The following LYRM9 variants were observed in gnomAD, a reference collection of about 807,000 sequenced individuals.
LYRM9 encodes LYR motif-containing protein 9.
A neutral mutation model predicts 12.6 loss-of-function variants in LYRM9; 14 were observed. The observed-to-expected ratio is 1.11, with a 90% CI of 0.73 to 1.73. LYRM9 has a LOEUF of 1.73. Ranked by LOEUF, LYRM9 falls within the 40% of genes most tolerant of loss-of-function variation. The pLI, the probability that LYRM9 is intolerant of heterozygous loss-of-function variation, is 0.00. For synonymous variants in LYRM9, 42 were observed against 35.1 expected, an observed-to-expected ratio of 1.20 and a Z score of -0.69; for missense variants, 94 against 95.0, an observed-to-expected ratio of 0.99 and a Z score of 0.04.
At chr17:27,893,287 C>G (rs1170938436) in intron 1 of LYRM9, 30 bp downstream of exon 1, 1 of 152,892 alleles carries the variant, frequency 6.5e-6, no homozygotes, top group Non-Finnish European at 1.5e-5. Flanking sequence ...CGCCCCCGCC[C>G]TCGGCCTCGG....
At chr17:27,883,468 G>A (rs1010020741) in intron 1 of LYRM9, among the ~76,000 whole-genome samples, 3 of 152,014 alleles carry the variant, frequency 2.0e-5, no homozygotes, top group Non-Finnish European at 4.4e-5. Context: ...TGGCCAACAC[G>A]GTGAAACCCC....
chr17:27,881,983 T>C (rs181275846), intron 2 of LYRM9, among the ~76,000 whole-genome samples: 2 of 152,284 alleles, frequency 1.3e-5, no homozygotes, highest in Admixed American at 6.5e-5. Context: ...GGTCTTGAAC[T>C]CCTGAGCTCA....
In LYRM9 at chr17:27,882,703, C is replaced by T; in HGVS notation, c.-9G>A. On this transcript the variant is annotated 5_prime_UTR_variant, in exon 2 of 4. Transcript: ENST00000379102. ...CCTGGCAGCGGGGCCATCCGTGAGA[C>T]CCTCTGTCCCTGGAAAACAAGCAGG... 6.3e-7 allele frequency: 1 copy of T among 1,591,880 alleles called. No individual in the cohort carries two copies. Among genetic ancestry groups the T allele is most frequent in the Non-Finnish European group, 8.6e-7 (1 of 1,169,086 alleles).
intron 1 of LYRM9, chr17:27,892,680 G>T: frequency 3.3e-6 from 1 of 306,036 alleles, no homozygotes; most frequent in South Asian, 2.8e-5. Flanking sequence ...ACAGCTAAAG[G>T]AGGTGTTTCT....
intron 1 of LYRM9, among the ~76,000 whole-genome samples, chr17:27,883,467 C>T (rs369255584): frequency 4.6e-5 from 7 of 152,014 alleles, no homozygotes; most frequent in South Asian, 2.1e-4. Context: ...ATGGCCAACA[C>T]GGTGAAACCC....
intron 1 of LYRM9, among the ~76,000 whole-genome samples, chr17:27,885,213 C>A (rs941780441): frequency 7.2e-5 from 11 of 152,226 alleles, no homozygotes; most frequent in African/African-American, 2.2e-4. Flanking sequence ...CACACGGGCA[C>A]GTGCCAAAAG....
At chr17:27,890,775 C>T (rs1243713296) in intron 1 of LYRM9, among the ~76,000 whole-genome samples, 1 of 152,198 alleles carries the variant, frequency 6.6e-6, no homozygotes, top group African/African-American at 2.4e-5. Flanking sequence ...TAAGCCTGCA[C>T]AGGCCATTTT....
At chr17:27,887,880 C>T (rs912897521) in intron 1 of LYRM9, among the ~76,000 whole-genome samples, 1 of 152,100 alleles carries the variant, frequency 6.6e-6, no homozygotes, top group Non-Finnish European at 1.5e-5. Context: ...TGCTGTAGAA[C>T]CAGGAAGAGC....
intron 1 of LYRM9, among the ~76,000 whole-genome samples, chr17:27,887,372 A>C (rs1905264001): frequency 6.6e-6 from 1 of 152,256 alleles, no homozygotes; most frequent in Admixed American, 6.5e-5. Flanking sequence ...GTTTTTTCAA[A>C]TGCTCATAAA....
Position 27,879,164 on chromosome 17 carries a change from G to A in LYRM9, c.*309C>T, listed in dbSNP as rs555826477. 8.3e-5 allele frequency: 26 copies of A among 313,798 alleles called. No homozygotes were observed. Among genetic ancestry groups the A allele is most frequent in the African/African-American group, 5.3e-4 (24 of 45,314 alleles). The allele number at this position is 313,798 out of a possible 1,614,324, so 19.4% of individuals were successfully genotyped here. ...TCAGAGAATGATAAAGAGATCTCCAGAATAAATGAATCACTTTCAGAGAAA... is the reference window on the plus strand; with the variant it reads ...TCAGAGAATGATAAAGAGATCTCCAAAATAAATGAATCACTTTCAGAGAAA... On this transcript the variant is annotated 3_prime_UTR_variant, in exon 4 of 4. Transcript: ENST00000379102.
At chr17:27,891,488 TACTA>T (rs1363635424) in intron 1 of LYRM9, among the ~76,000 whole-genome samples, 4 of 152,238 alleles carry the variant, frequency 2.6e-5, no homozygotes, top group Admixed American at 1.3e-4. Flanking sequence ...ACATGTTTCC[TACTA>T]ACTGTTATTG....
At chr17:27,882,510 C>T in intron 2 of LYRM9, 59 bp downstream of exon 2, 1 of 1,482,944 alleles carries the variant, frequency 6.7e-7, no homozygotes, top group Non-Finnish European at 8.9e-7. Flanking sequence ...GGCCTCTGAC[C>T]TGCGCCCCTA....
chr17:27,887,128 A>G (rs1324734821), intron 1 of LYRM9, among the ~76,000 whole-genome samples: 4 of 152,048 alleles, frequency 2.6e-5, no homozygotes, highest in African/African-American at 9.6e-5. Flanking sequence ...CCCAACAGCC[A>G]GAGTGAATCT....
rs776990405 is a variant in LYRM9 at position 27,882,622 on chromosome 17, G to A, written c.73C>T (p.Gln25Ter). 1 of 1,599,520 alleles carries A rather than the reference G, an allele frequency of 6.3e-7. No individual in the cohort carries two copies. The highest frequency in any genetic ancestry group is 2.3e-5 in the East Asian group (1 of 44,214). ...TGGATGCCCTTGGTCGGCAGCTGCT[G>A]GCAACAGCGCAGCAAGTATCGGTAG... ...QLYRYLLRCC[Q>*]QLPTKGIQQH... The change falls in exon 2 of 4, where the codon CAG (glutamine) becomes TAG (stop). Residue 25 changes from glutamine (Q) to a stop codon, truncating the protein, a stop_gained. Transcript: ENST00000379102. LOFTEE classifies it high-confidence loss of function.
chr17:27,879,651 T>G, intron 3 of LYRM9, 161 bp from the exon 4 acceptor site: 41 of 649,656 alleles, frequency 6.3e-5, no homozygotes, highest in Non-Finnish European at 1.0e-4. Context: ...GCCAAATCTC[T>G]AGTTCATGCC....
Position 27,891,461 on chromosome 17 carries a change from G to T in LYRM9, c.-19+1856C>A, listed in dbSNP as rs1905443653. 2.0e-5 allele frequency among the ~76,000 whole-genome samples: 3 copies of T among 152,208 alleles called. No individual in the cohort carries two copies. The South Asian group carries it at 6.2e-4, about 32-fold the overall frequency. On this transcript the variant is annotated intron_variant, in intron 1 of 3. Coordinates refer to ENST00000379102, the MANE Select transcript of LYRM9 (RefSeq NM_001076680.3). ...ATAACGCTCCTAGACTACTAAGCAT[G>T]ATGCCTGGCACACACTACATGTTTC...
chr17:27,887,718 GTGT>G (rs1567665229), intron 1 of LYRM9, among the ~76,000 whole-genome samples: 10 of 31,702 alleles, frequency 3.2e-4, no homozygotes, highest in African/African-American at 8.9e-4. Context: ...GGGAGGGTGT[GTGT>G]GTGTGTGTGT....
chr17:27,887,940 G>A (rs928215319), intron 1 of LYRM9, among the ~76,000 whole-genome samples: 4 of 152,156 alleles, frequency 2.6e-5, no homozygotes, highest in Non-Finnish European at 5.9e-5. Context: ...TTACTCAGGG[G>A]AGGCTTAGAC....
chr17:27,882,227 T>C (rs1905084417), intron 2 of LYRM9, among the ~76,000 whole-genome samples: 1 of 152,196 alleles, frequency 6.6e-6, no homozygotes, highest in South Asian at 2.1e-4. Flanking sequence ...AGATGGCCTC[T>C]CGATTTGGTT....
Sources: gnomAD v4.1 joint callset for allele counts (sites outside exome capture counted in the v4.1 genomes callset) on GRCh38, gnomAD v4.1.1 for gene constraint, MANE v1.5 for transcripts, NCBI Gene and HGNC (gene_info 2026-07-23, HGNC 2026-07-21) for gene names.